CEP128: variants seen among roughly 807,000 people sequenced by gnomAD.
The protein encoded by CEP128 is centrosomal protein 128, also known as centrosomal protein 128kDa.
Under a neutral mutation model 156.7 loss-of-function variants are expected in CEP128, and 132 were observed. The ratio of observed to expected loss-of-function variants is 0.84; its 90% CI spans 0.73 to 0.97. The LOEUF (loss-of-function observed/expected upper bound fraction) is 0.97. CEP128 is among the 50% of genes least tolerant of loss of function. The probability of loss-of-function intolerance (pLI) is 0.00; values close to 1 mark genes in which losing one functional copy is unlikely to be tolerated. For synonymous variants in CEP128, 469 were observed against 448.9 expected (o/e 1.04, Z -0.57); for missense variants, 1,252 against 1,281.9 (o/e 0.98, Z 0.36).
At chr14:80,871,885 T>C (rs1375899496) in intron 8 of CEP128, among the ~76,000 whole-genome samples, 3 of 152,166 alleles carry the variant, frequency 2.0e-5, no homozygotes, top group African/African-American at 7.2e-5. Flanking sequence ...GAAAAAGCAT[T>C]CTGTTTAAAA....
In CEP128 at chr14:80,857,734, CA is replaced by C. The variant is rs746111217; in HGVS notation, c.762+5022del. Among the ~76,000 whole-genome samples, 520 of 83,180 alleles carry C rather than the reference CA, an allele frequency of 6.3e-3. 1 individual carries two copies. Among genetic ancestry groups the C allele is most frequent in the Non-Finnish European group, 7.6e-3 (299 of 39,552 alleles). 54.6% of individuals were successfully genotyped at this position (83,180 alleles called of 152,430 possible). ...CCTGGGCAACAGAGTGACCCCATCT[CA>C]AAAAAAAACAACAACAACAACAACA... On this transcript the variant is annotated intron_variant, in intron 9 of 24. Transcript: ENST00000555265.
intron 21 of CEP128, among the ~76,000 whole-genome samples, chr14:80,553,023 T>C (rs1239398286): frequency 6.6e-6 from 1 of 152,134 alleles, no homozygotes; most frequent in African/African-American, 2.4e-5. Context: ...CAACAATTTT[T>C]TTGTTCTAAA....
At chr14:80,562,751 T>TC (rs1333304439) in intron 20 of CEP128, among the ~76,000 whole-genome samples, 2 of 150,746 alleles carry the variant, frequency 1.3e-5, no homozygotes, top group African/African-American at 4.9e-5. Context: ...GCCTATACCT[T>TC]CCATGCTCAA....
At chr14:80,593,521 T>C (rs888472472) in intron 19 of CEP128, among the ~76,000 whole-genome samples, 6 of 126,616 alleles carry the variant, frequency 4.7e-5, no homozygotes, top group African/African-American at 1.6e-4. Context: ...CACTCCAGCC[T>C]GGGTGACAGA....
At chr14:80,615,137 A>T (rs1350737734) in intron 19 of CEP128, among the ~76,000 whole-genome samples, 1 of 152,236 alleles carries the variant, frequency 6.6e-6, no homozygotes, top group Non-Finnish European at 1.5e-5. Context: ...TGACCCAAAA[A>T]CCAGATTTTA....
chr14:80,667,465 T>C (rs117111138), intron 19 of CEP128, among the ~76,000 whole-genome samples: 1,666 of 152,242 alleles, frequency 0.011, 21 homozygotes, highest in Non-Finnish European at 0.014. Flanking sequence ...GAAAACCCAA[T>C]AGCAATAACT....
intron 4 of CEP128, 156 bp downstream of exon 4, chr14:80,914,166 A>C (rs1450762696): frequency 1.8e-6 from 1 of 546,644 alleles, no homozygotes; most frequent in Non-Finnish European, 3.3e-6. Context: ...TCCATCTGAC[A>C]AGCTAACCTA....
chr14:80,713,997 A>T (rs1249982604), intron 19 of CEP128, among the ~76,000 whole-genome samples: 1 of 152,192 alleles, frequency 6.6e-6, no homozygotes, highest in African/African-American at 2.4e-5. Context: ...TCTGCTGAGT[A>T]GTGAAAAGTT....
chr14:80,580,308 A>G (rs1891530297), intron 20 of CEP128, 66 bp downstream of exon 20: 2 of 997,716 alleles, frequency 2.0e-6, no homozygotes, highest in Admixed American at 3.6e-5. Flanking sequence ...TGACAATAAT[A>G]AAGGATAAAA....
chr14:80,917,991 C>T (rs574372364), intron 2 of CEP128, among the ~76,000 whole-genome samples: 2 of 152,224 alleles, frequency 1.3e-5, no homozygotes, highest in South Asian at 2.1e-4. Context: ...TCCTGTTGAA[C>T]ACCCATGCTT....
Position 80,617,219 on chromosome 14 carries a change from C to CTTTTTTTTTTTTTTTTTT in CEP128, c.2807-36814_2807-36797dup, listed in dbSNP as rs3069115. ...ATCACTTAACCTATGTGAATATCAT[C>CTTTTTTTTTTTTTTTTTT]TTTTTTTTTTTTTTTTTTTTTTTTT... On this transcript the variant is annotated intron_variant, in intron 19 of 24. Coordinates refer to ENST00000555265, the MANE Select transcript of CEP128 (RefSeq NM_152446.5). 3.2e-4 allele frequency among the ~76,000 whole-genome samples: 19 copies of CTTTTTTTTTTTTTTTTTT among 60,226 alleles called. 5 individuals carry two copies. The highest frequency in any genetic ancestry group is 7.1e-4 in the African/African-American group (11 of 15,476). 39.5% of individuals were successfully genotyped at this position (60,226 alleles called of 152,430 possible). A position where few individuals can be genotyped will look rare whatever the true frequency, so the allele number is the denominator to read the frequency against.
chr14:80,552,238 G>T (rs1890238738), intron 21 of CEP128, among the ~76,000 whole-genome samples: 1 of 151,802 alleles, frequency 6.6e-6, no homozygotes, highest in Non-Finnish European at 1.5e-5. Flanking sequence ...GAATGCGGGA[G>T]ATGGAGGTTG....
intron 14 of CEP128, chr14:80,478,480 T>C (rs999572562): frequency 1.3e-5 from 2 of 152,204 alleles, no homozygotes; most frequent in Admixed American, 1.3e-4. Flanking sequence ...ACTTTGCATA[T>C]GTAGCTGAGT....
intron 20 of CEP128, among the ~76,000 whole-genome samples, chr14:80,561,513 G>C (rs916934330): frequency 1.3e-5 from 2 of 152,130 alleles, no homozygotes; most frequent in African/African-American, 4.8e-5. Context: ...GCCTTATACA[G>C]AGAGAAACAG....
At chr14:80,737,116 C>T (rs909543673) in intron 19 of CEP128, among the ~76,000 whole-genome samples, 1 of 152,100 alleles carries the variant, frequency 6.6e-6, no homozygotes, top group Non-Finnish European at 1.5e-5. Flanking sequence ...TTGTTAAAAA[C>T]AATTATAGGC....
chr14:80,514,515 G>A (rs1438641247), intron 23 of CEP128, among the ~76,000 whole-genome samples: 2 of 151,860 alleles, frequency 1.3e-5, no homozygotes, highest in African/African-American at 4.8e-5. Flanking sequence ...TCACTCTGAT[G>A]CATTCTTCAG....
intron 23 of CEP128, among the ~76,000 whole-genome samples, chr14:80,526,494 T>C (rs1888978885): frequency 1.3e-5 from 2 of 152,262 alleles, no homozygotes; most frequent in East Asian, 1.9e-4. Flanking sequence ...ATATATTATC[T>C]GACCTACTGC....
chr14:80,634,532 AC>A (rs1894100716), intron 19 of CEP128, among the ~76,000 whole-genome samples: 1 of 152,234 alleles, frequency 6.6e-6, no homozygotes, highest in Non-Finnish European at 1.5e-5. Flanking sequence ...TTTGTATTTC[AC>A]AATTGGTGAG....
At chr14:80,704,469 AT>A (rs1897172323) in intron 19 of CEP128, among the ~76,000 whole-genome samples, 5 of 116,870 alleles carry the variant, frequency 4.3e-5, no homozygotes, top group African/African-American at 1.4e-4. Context: ...ATATATAAAC[AT>A]ATGTGTGTAG....
Sources: gnomAD v4.1 joint callset for allele counts (sites outside exome capture counted in the v4.1 genomes callset) on GRCh38, gnomAD v4.1.1 for gene constraint, MANE v1.5 for transcripts, NCBI Gene and HGNC (gene_info 2026-07-23, HGNC 2026-07-21) for gene names.